The following MSH3 variants were observed in gnomAD, a reference collection of about 807,000 sequenced individuals.
MSH3 encodes DNA mismatch repair protein Msh3.
A neutral mutation model predicts 123.3 loss-of-function variants in MSH3; 106 were observed. The observed-to-expected ratio is 0.86, with a 90% CI of 0.73 to 1.01. The LOEUF is 1.01. Ranked by LOEUF, MSH3 falls within the 50% of genes least tolerant of loss-of-function variation. MSH3 has a pLI of 0.00. For synonymous variants in MSH3, 515 were observed against 481.4 expected (o/e 1.07, Z -0.91); for missense variants, 1,459 against 1,347.6 (o/e 1.08, Z -1.29).
chr5:80,729,694 G>T (rs925646512), intron 10 of MSH3, among the ~76,000 whole-genome samples: 2 of 152,076 alleles, frequency 1.3e-5, no homozygotes, highest in Non-Finnish European at 2.9e-5. Context: ...CTTTTTACAA[G>T]AGTGATTAAC....
chr5:80,662,987 C>G (rs945027536), intron 2 of MSH3, among the ~76,000 whole-genome samples: 3 of 152,030 alleles, frequency 2.0e-5, no homozygotes, highest in Non-Finnish European at 1.5e-5. Context: ...GTATTCCTAA[C>G]GCTTTGAGAG....
intron 20 of MSH3, among the ~76,000 whole-genome samples, chr5:80,819,093 T>G (rs577092477): frequency 4.2e-4 from 64 of 152,142 alleles, no homozygotes; most frequent in African/African-American, 1.5e-3. Flanking sequence ...AAATAAGCTT[T>G]TTTTTTTTAA....
At chr5:80,698,721 A>G (rs930613176) in intron 8 of MSH3, among the ~76,000 whole-genome samples, 9 of 151,172 alleles carry the variant, frequency 6.0e-5, no homozygotes, top group African/African-American at 1.9e-4. Context: ...CAAACACCGC[A>G]TGTTCTCACT....
At chr5:80,770,143 C>A (rs1481806259) in intron 15 of MSH3, among the ~76,000 whole-genome samples, 2 of 152,144 alleles carry the variant, frequency 1.3e-5, no homozygotes, top group Non-Finnish European at 1.5e-5. Flanking sequence ...GCAGTCATGA[C>A]CTTGCAAAGT....
At chr5:80,794,345 A>T (rs1744661282) in intron 19 of MSH3, among the ~76,000 whole-genome samples, 1 of 152,100 alleles carries the variant, frequency 6.6e-6, no homozygotes, top group Non-Finnish European at 1.5e-5. Context: ...GCTGTTAGAA[A>T]CTATGCTAGT....
chr5:80,690,537 C>T (rs184216441), intron 8 of MSH3, among the ~76,000 whole-genome samples: 34 of 152,178 alleles, frequency 2.2e-4, no homozygotes, highest in Admixed American at 1.4e-3. Flanking sequence ...AAACTGGTCT[C>T]GAACTCCTGA....
At chr5:80,718,764 T>C (rs917915235) in intron 8 of MSH3, among the ~76,000 whole-genome samples, 43 of 152,260 alleles carry the variant, frequency 2.8e-4, no homozygotes, top group African/African-American at 9.9e-4. Flanking sequence ...TCAGTAGTGA[T>C]GAACAAGTCT....
chr5:80,813,513 T>C, intron 19 of MSH3, 71 bp from the exon 20 acceptor site: 1 of 1,485,274 alleles, frequency 6.7e-7, no homozygotes, highest in Non-Finnish European at 9.4e-7. Flanking sequence ...CATTTCCACT[T>C]ATGAGATAAA....
chr5:80,704,122 G>A (rs1394693227), intron 8 of MSH3, among the ~76,000 whole-genome samples: 1 of 152,054 alleles, frequency 6.6e-6, no homozygotes, highest in East Asian at 1.9e-4. Context: ...TTTCTGTTCC[G>A]GGGTCTATCA....
chr5:80,864,102 T>A (rs1341987284), intron 21 of MSH3, among the ~76,000 whole-genome samples: 1 of 152,144 alleles, frequency 6.6e-6, no homozygotes, highest in African/African-American at 2.4e-5. Flanking sequence ...CATAATGTTG[T>A]GCCGGAGTCA....
chr5:80,837,570 C>T (rs567453623), intron 20 of MSH3, among the ~76,000 whole-genome samples: 1 of 126,738 alleles, frequency 7.9e-6, no homozygotes, highest in Non-Finnish European at 1.9e-5. Flanking sequence ...AGAGCCAGAC[C>T]TTGTCTAAAA....
chr5:80,692,386 A>AG (rs70991174), intron 8 of MSH3, among the ~76,000 whole-genome samples: 2 of 37,758 alleles, frequency 5.3e-5, no homozygotes, highest in Non-Finnish European at 9.2e-5. Context: ...TTAGATAGAT[A>AG]AACATGTATA....
At chr5:80,743,020 C>T (rs1430066829) in intron 11 of MSH3, among the ~76,000 whole-genome samples, 1 of 152,116 alleles carries the variant, frequency 6.6e-6, no homozygotes, top group Non-Finnish European at 1.5e-5. Context: ...CTGAGATTAA[C>T]ATCTTCTGCT....
At chr5:80,790,658 G>A (rs1357515659) in intron 18 of MSH3, among the ~76,000 whole-genome samples, 1 of 152,100 alleles carries the variant, frequency 6.6e-6, no homozygotes, top group Non-Finnish European at 1.5e-5. Context: ...TGTATTGCCC[G>A]CATTACATCA....
chr5:80,788,327 C>T (rs886665959), intron 18 of MSH3, among the ~76,000 whole-genome samples: 5 of 152,064 alleles, frequency 3.3e-5, no homozygotes, highest in African/African-American at 9.7e-5. Flanking sequence ...ATCCCAGCTA[C>T]TCAGAAAGCT....
chr5:80,808,367 G>T (rs1190355414), intron 19 of MSH3, among the ~76,000 whole-genome samples: 1 of 152,108 alleles, frequency 6.6e-6, no homozygotes, highest in Non-Finnish European at 1.5e-5. Flanking sequence ...GGAAAATGTG[G>T]ATATCGTGTC....
At chr5:80,869,691 A>C (rs1746170128) in intron 22 of MSH3, among the ~76,000 whole-genome samples, 1 of 151,154 alleles carries the variant, frequency 6.6e-6, no homozygotes, top group Non-Finnish European at 1.5e-5. Context: ...ATTTTATGTA[A>C]GTTAGCTATA....
intron 16 of MSH3, 58 bp from the exon 17 acceptor site, chr5:80,778,662 G>T: frequency 1.1e-6 from 1 of 925,370 alleles, no homozygotes. Context: ...TAAAGTGATG[G>T]CATTTCGGAT....
chr5:80,713,054 G>GT (rs1033536297), intron 8 of MSH3, among the ~76,000 whole-genome samples: 19 of 152,170 alleles, frequency 1.2e-4, no homozygotes, highest in African/African-American at 4.6e-4. Context: ...AGGGGGCCTT[G>GT]TAAGTTTTCC....
Sources: allele counts gnomAD v4.1 joint callset (sites outside exome capture counted in the v4.1 genomes callset), GRCh38; gene constraint gnomAD v4.1.1; transcripts MANE v1.5; gene names NCBI Gene and HGNC (gene_info 2026-07-23, HGNC 2026-07-21).